SLCO1B1: variants seen among roughly 807,000 people sequenced by gnomAD.
SLCO1B1 encodes the protein solute carrier organic anion transporter family member 1B1.
A neutral mutation model predicts 70.1 loss-of-function variants in SLCO1B1; 81 were observed. The observed-to-expected ratio is 1.16, with a 90% CI of 0.97 to 1.39. The LOEUF (loss-of-function observed/expected upper bound fraction) is 1.39, where lower values mean the gene tolerates loss of function less well. Ranked by LOEUF, SLCO1B1 falls within the 40% of genes most tolerant of loss-of-function variation. SLCO1B1 has a pLI of 0.00. For synonymous variants in SLCO1B1, 283 were observed against 271.5 expected (o/e 1.04, Z -0.42); for missense variants, 895 against 799.6 (o/e 1.12, Z -1.44).
intron 2 of SLCO1B1, among the ~76,000 whole-genome samples, chr12:21,166,445 T>C (rs1412487298): frequency 6.6e-6 from 1 of 151,956 alleles, no homozygotes; most frequent in Non-Finnish European, 1.5e-5. Context: ...ACTCAATAAT[T>C]AGAAAAATAA....
At chr12:21,195,447 C>CT (rs1941080614) in intron 7 of SLCO1B1, among the ~76,000 whole-genome samples, 1 of 151,788 alleles carries the variant, frequency 6.6e-6, no homozygotes, top group Non-Finnish European at 1.5e-5. Context: ...TTTTTCTTTT[C>CT]TTTTTTACCT....
Position 21,202,561 on chromosome 12 carries a change from G to A in SLCO1B1, c.1206G>A (p.Leu402=), listed in dbSNP as rs1347934710. Residue 402 remains leucine, a synonymous_variant, in exon 10 of 15, where the codon CTG becomes CTA. Coordinates refer to ENST00000256958, the MANE Select transcript of SLCO1B1 (RefSeq NM_006446.5). ...LGGYIIKKFK[L]NTVGIAKFSC... Reference sequence around the variant, plus strand: ...GATATATCATTAAAAAATTCAAACTGAACACCGTTGGAATTGCCAAATTCT... The same window carrying A: ...GATATATCATTAAAAAATTCAAACTAAACACCGTTGGAATTGCCAAATTCT... The A allele has an allele frequency of 6.2e-7, 1 of 1,611,954 alleles. No individual in the cohort carries two copies. The highest frequency in any genetic ancestry group is 2.2e-5 in the East Asian group (1 of 44,758).
intron 11 of SLCO1B1, among the ~76,000 whole-genome samples, chr12:21,212,504 T>A (rs1260906621): frequency 1.4e-5 from 2 of 144,042 alleles, no homozygotes; most frequent in Non-Finnish European, 3.0e-5. Context: ...AGTTTTGGAA[T>A]AGGTGTGGTG....
chr12:21,174,756 T>A (rs747972522), intron 4 of SLCO1B1, 47 bp downstream of exon 4: 1 of 1,578,288 alleles, frequency 6.3e-7, no homozygotes. Context: ...ATCAGTACCT[T>A]GTAAATTAGG....
In SLCO1B1 at chr12:21,141,643, C is replaced by T. The variant is rs747107414; in HGVS notation, c.69C>T (p.Tyr23=). 39 of 1,602,162 alleles carry T rather than the reference C, an allele frequency of 2.4e-5. 2 individuals are homozygous for T. The South Asian group carries it at 4.0e-4, about 16-fold the overall frequency. Residue 23 remains tyrosine (Y), a synonymous_variant, in exon 2 of 15, where the codon TAC becomes TAT. Coordinates refer to ENST00000256958, the MANE Select transcript of SLCO1B1 (RefSeq NM_006446.5). The part of the protein sequence containing the change: ...AQPSENKKTR[Y]CNGLKMFLAA... ...CTTCAGAGAATAAGAAAACAAGATACTGCAATGGATTGAAGGTAGAATAAG... is the reference window on the plus strand; with the variant it reads ...CTTCAGAGAATAAGAAAACAAGATATTGCAATGGATTGAAGGTAGAATAAG...
chr12:21,200,427 T>A (rs1295534975), intron 8 of SLCO1B1, 81 bp from the exon 9 acceptor site: 1 of 881,712 alleles, frequency 1.1e-6, no homozygotes, highest in Non-Finnish European at 1.7e-6. Flanking sequence ...AAATCTTACA[T>A]GACTTACGTT....
At chr12:21,134,012 T>A (rs1402623807) in intron 1 of SLCO1B1, among the ~76,000 whole-genome samples, 1 of 152,230 alleles carries the variant, frequency 6.6e-6, no homozygotes, top group Non-Finnish European at 1.5e-5. Flanking sequence ...ATCCCATCAA[T>A]ACCTAATTTA....
At chr12:21,167,922 T>C (rs1403490837) in intron 2 of SLCO1B1, among the ~76,000 whole-genome samples, 1 of 151,624 alleles carries the variant, frequency 6.6e-6, no homozygotes, top group Non-Finnish European at 1.5e-5. Context: ...GTTCAAGCGA[T>C]TCTCCTGCCT....
intron 7 of SLCO1B1, among the ~76,000 whole-genome samples, chr12:21,181,834 A>T (rs192736592): frequency 6.6e-6 from 1 of 152,186 alleles, no homozygotes; most frequent in African/African-American, 2.4e-5. Flanking sequence ...GAAAATTTAT[A>T]GATGAATTGC....
chr12:21,209,842 C>T (rs1316524898), intron 11 of SLCO1B1, among the ~76,000 whole-genome samples: 1 of 151,976 alleles, frequency 6.6e-6, no homozygotes, highest in Admixed American at 6.6e-5. Context: ...TGTTTTTTGG[C>T]TGCATAAGTG....
intron 2 of SLCO1B1, among the ~76,000 whole-genome samples, chr12:21,149,183 A>T: frequency 6.6e-6 from 1 of 152,068 alleles, no homozygotes; most frequent in Admixed American, 6.5e-5. Flanking sequence ...AGACAATTTG[A>T]CTTCCTCTCT....
chr12:21,153,889 T>G (rs1220251555), intron 2 of SLCO1B1, among the ~76,000 whole-genome samples: 1 of 151,986 alleles, frequency 6.6e-6, no homozygotes, highest in Non-Finnish European at 1.5e-5. Context: ...TGGTTATATT[T>G]TCTTATCATT....
chr12:21,142,227 T>A (rs774588527), intron 2 of SLCO1B1, among the ~76,000 whole-genome samples: 111 of 151,956 alleles, frequency 7.3e-4, no homozygotes, highest in Non-Finnish European at 1.4e-3. Context: ...GTAAAAGTAA[T>A]AATTCTGCTT....
chr12:21,163,173 A>G (rs1198817244), intron 2 of SLCO1B1, among the ~76,000 whole-genome samples: 1 of 152,100 alleles, frequency 6.6e-6, no homozygotes, highest in Non-Finnish European at 1.5e-5. Context: ...TTTACTTCAG[A>G]TATTGCAAAT....
intron 1 of SLCO1B1, among the ~76,000 whole-genome samples, chr12:21,137,774 C>T (rs1262141654): frequency 1.3e-5 from 2 of 152,210 alleles, no homozygotes; most frequent in African/African-American, 2.4e-5. Context: ...TTCCCTGACC[C>T]CTTGTGCTTC....
chr12:21,151,954 G>A (rs566975499), intron 2 of SLCO1B1, among the ~76,000 whole-genome samples: 1 of 151,440 alleles, frequency 6.6e-6, no homozygotes, highest in Non-Finnish European at 1.5e-5. Flanking sequence ...GGAAATTCTC[G>A]GTTGTTATTG....
chr12:21,136,618 C>T (rs1193210651), intron 1 of SLCO1B1, among the ~76,000 whole-genome samples: 1 of 152,162 alleles, frequency 6.6e-6, no homozygotes, highest in East Asian at 1.9e-4. Context: ...TCCAGTTGAT[C>T]CTATCAGCTA....
chr12:21,213,445 G>A (rs946243440), intron 11 of SLCO1B1, among the ~76,000 whole-genome samples: 28 of 151,100 alleles, frequency 1.9e-4, no homozygotes, highest in Middle Eastern at 3.4e-3. Flanking sequence ...CTGTTAGTCT[G>A]ATGGGCTTCC....
chr12:21,217,091 A>G (rs759916762), intron 11 of SLCO1B1, 28 bp from the exon 12 acceptor site: 6 of 1,596,148 alleles, frequency 3.8e-6, no homozygotes, highest in Non-Finnish European at 5.1e-6. Context: ...CAAATTTCTT[A>G]TGTCATATTT....
Sources: gnomAD v4.1 joint callset for allele counts (sites outside exome capture counted in the v4.1 genomes callset) on GRCh38, gnomAD v4.1.1 for gene constraint, MANE v1.5 for transcripts, NCBI Gene and HGNC (gene_info 2026-07-23, HGNC 2026-07-21) for gene names.